RAP1GDS1: variants seen among roughly 807,000 people sequenced by gnomAD.
RAP1GDS1 encodes the protein RAP1, GTP-GDP dissociation stimulator 1.
RAP1GDS1 carries 35 observed loss-of-function variants against 71.1 expected under a neutral mutation model. That is an observed-to-expected ratio of 0.49 (90% CI 0.38 to 0.65). The LOEUF (loss-of-function observed/expected upper bound fraction) is 0.65, where lower values mean the gene tolerates loss of function less well. Among genes scored for constraint, RAP1GDS1 ranks in the 30% least tolerant of loss-of-function variants. The pLI, the probability that RAP1GDS1 is intolerant of heterozygous loss-of-function variation, is 0.00. For missense variants in RAP1GDS1, 663 were observed against 706.1 expected, an observed-to-expected ratio of 0.94 and a Z score of 0.69; for synonymous variants, 229 against 243.1, an observed-to-expected ratio of 0.94 and a Z score of 0.54.
intron 2 of RAP1GDS1, among the ~76,000 whole-genome samples, 175 bp downstream of exon 2, chr4:98,293,690 C>T (rs1399665739): frequency 2.0e-5 from 3 of 152,058 alleles, no homozygotes; most frequent in South Asian, 2.1e-4. Flanking sequence ...CTTCCCTCCA[C>T]GCCCCCGCAA....
chr4:98,295,636 C>A (rs575190944), intron 2 of RAP1GDS1, among the ~76,000 whole-genome samples: 1 of 152,158 alleles, frequency 6.6e-6, no homozygotes, highest in South Asian at 2.1e-4. Flanking sequence ...TGGATTTGAA[C>A]TCTTGATTTA....
intron 1 of RAP1GDS1, among the ~76,000 whole-genome samples, chr4:98,261,807 T>C (rs1722020019): frequency 6.6e-6 from 1 of 151,784 alleles, no homozygotes; most frequent in African/African-American, 2.4e-5. Flanking sequence ...GCCGCCCGGC[T>C]CCCCGGCACC....
intron 1 of RAP1GDS1, among the ~76,000 whole-genome samples, chr4:98,262,911 AAAG>A (rs1222243186): frequency 6.6e-6 from 1 of 152,224 alleles, no homozygotes; most frequent in East Asian, 1.9e-4. Flanking sequence ...ATGAATCAAA[AAAG>A]GTCTAGGGCT....
chr4:98,348,860 G>A (rs1736717383), intron 3 of RAP1GDS1, among the ~76,000 whole-genome samples: 1 of 152,114 alleles, frequency 6.6e-6, no homozygotes. Context: ...GTGGATTCTG[G>A]ATATTAGCCG....
chr4:98,350,914 T>C (rs1428241824), intron 3 of RAP1GDS1, among the ~76,000 whole-genome samples: 1 of 152,114 alleles, frequency 6.6e-6, no homozygotes, highest in African/African-American at 2.4e-5. Flanking sequence ...GAGGCTGAGG[T>C]CAGGGAGGAT....
chr4:98,431,144 C>T (rs1299366553), intron 12 of RAP1GDS1, among the ~76,000 whole-genome samples: 1 of 152,186 alleles, frequency 6.6e-6, no homozygotes, highest in Non-Finnish European at 1.5e-5. Context: ...AATTCTTTAT[C>T]AGTTACCAGG....
intron 5 of RAP1GDS1, among the ~76,000 whole-genome samples, chr4:98,382,979 G>T (rs1173443620): frequency 6.6e-6 from 1 of 151,572 alleles, no homozygotes; most frequent in Non-Finnish European, 1.5e-5. Context: ...TGATCCACAA[G>T]CGTGTTGAGT....
At chr4:98,362,831 T>G (rs1242781594) in intron 4 of RAP1GDS1, among the ~76,000 whole-genome samples, 2 of 152,182 alleles carry the variant, frequency 1.3e-5, no homozygotes, top group Non-Finnish European at 2.9e-5. Context: ...GCCAGGAAAT[T>G]CTCACTCTAT....
chr4:98,381,405 A>G (rs1421245703), intron 5 of RAP1GDS1, among the ~76,000 whole-genome samples: 1 of 151,566 alleles, frequency 6.6e-6, no homozygotes, highest in Non-Finnish European at 1.5e-5. Context: ...CACTGAAATT[A>G]TATCCTTTTA....
chr4:98,287,316 T>C lies in RAP1GDS1; in HGVS notation c.5-6092T>C, dbSNP rs557356511. 2.8e-4 allele frequency among the ~76,000 whole-genome samples: 42 copies of C among 152,328 alleles called. 1 individual carries two copies. In the South Asian group the frequency reaches 6.2e-3, roughly 23 times the overall value. On this transcript the variant is annotated intron_variant, in intron 1 of 14. Transcript: ENST00000408927. ...CATAAATAGATTACAAACTTATTGA[T>C]GAAGTTTAATTTTGGGATTTAACCA...
intron 2 of RAP1GDS1, among the ~76,000 whole-genome samples, chr4:98,311,463 A>T (rs577352836): frequency 8.6e-4 from 131 of 152,238 alleles, no homozygotes; most frequent in Non-Finnish European, 1.6e-3. Context: ...ATTTACTTAC[A>T]TTCTAAACAA....
intron 6 of RAP1GDS1, among the ~76,000 whole-genome samples, chr4:98,400,402 C>A (rs565166916): frequency 6.6e-6 from 1 of 151,630 alleles, no homozygotes; most frequent in African/African-American, 2.4e-5. Context: ...AGAATGAAAT[C>A]CTGTTTTCTT....
At chr4:98,378,912 C>T in intron 4 of RAP1GDS1, 105 bp from the exon 5 acceptor site, 1 of 1,089,286 alleles carries the variant, frequency 9.2e-7, no homozygotes, top group Non-Finnish European at 1.3e-6. Flanking sequence ...GGTTTATTTT[C>T]TATTTATTCA....
At chr4:98,400,528 T>TAAAAAAAAA (rs774732053) in intron 6 of RAP1GDS1, among the ~76,000 whole-genome samples, 4 of 74,380 alleles carry the variant, frequency 5.4e-5, no homozygotes, top group African/African-American at 8.8e-5. Context: ...TTTATAGAAG[T>TAAAAAAAAA]AAAAAAAAAA....
At chr4:98,306,544 A>G (rs967970910) in intron 2 of RAP1GDS1, among the ~76,000 whole-genome samples, 4 of 152,206 alleles carry the variant, frequency 2.6e-5, no homozygotes, top group Non-Finnish European at 5.9e-5. Flanking sequence ...AGCACCCACT[A>G]TGTCCTGAAT....
intron 2 of RAP1GDS1, among the ~76,000 whole-genome samples, chr4:98,337,933 A>C (rs547195450): frequency 2.0e-5 from 3 of 152,350 alleles, no homozygotes; most frequent in Non-Finnish European, 4.4e-5. Context: ...GGATTGCTTA[A>C]AAATTTAAAG....
chr4:98,327,118 A>G (rs185659876), intron 2 of RAP1GDS1, among the ~76,000 whole-genome samples: 2 of 152,340 alleles, frequency 1.3e-5, no homozygotes, highest in Admixed American at 1.3e-4. Context: ...TACTTCCAGT[A>G]TATCCTAACT....
chr4:98,350,970 C>T (rs904204164), intron 3 of RAP1GDS1, among the ~76,000 whole-genome samples: 1 of 152,172 alleles, frequency 6.6e-6, no homozygotes, highest in African/African-American at 2.4e-5. Context: ...ATTATCATGC[C>T]ATTACATTCC....
At chr4:98,441,606 T>C (rs1751875569) in intron 14 of RAP1GDS1, 1 of 984,890 alleles carries the variant, frequency 1.0e-6, no homozygotes, top group Non-Finnish European at 1.2e-6. Context: ...TTTTTCTTTT[T>C]AAAAATTGGG....
Sources: gnomAD v4.1 joint callset for allele counts (sites outside exome capture counted in the v4.1 genomes callset) on GRCh38, gnomAD v4.1.1 for gene constraint, MANE v1.5 for transcripts, NCBI Gene and HGNC (gene_info 2026-07-23, HGNC 2026-07-21) for gene names.